Variants in LRP2 observed in about 807,000 individuals in gnomAD.
LRP2 encodes the protein low-density lipoprotein receptor-related protein 2.
Under a neutral mutation model 531.0 loss-of-function variants are expected in LRP2, and 172 were observed. The observed-to-expected ratio is 0.32, with a 90% CI of 0.29 to 0.37. The LOEUF is 0.37. Among genes scored for constraint, LRP2 ranks in the 10% least tolerant of loss-of-function variants. The probability of loss-of-function intolerance (pLI) is 1.00; values close to 1 mark genes in which losing one functional copy is unlikely to be tolerated. For synonymous variants in LRP2, 1,992 were observed against 2,027.6 expected (o/e 0.98, Z 0.47); for missense variants, 5,167 against 5,868.3 (o/e 0.88, Z 3.90).
intron 12 of LRP2, among the ~76,000 whole-genome samples, chr2:169,278,479 G>C (rs1683615815): frequency 2.6e-5 from 4 of 151,616 alleles, no homozygotes; most frequent in South Asian, 4.2e-4. Flanking sequence ...GCAAGAACCT[G>C]TCTCAAAAAA....
Position 169,256,119 on chromosome 2 carries a change from A to C in LRP2, c.2757T>G (p.Leu919=). The C allele has an allele frequency of 6.2e-7, 1 of 1,612,972 alleles. No individual in the cohort carries two copies. The highest frequency in any genetic ancestry group is 1.7e-5 in the Admixed American group (1 of 59,926). The change falls in exon 19 of 79, where the codon CTT becomes CTG. Residue 919 remains leucine, a synonymous_variant. Transcript: ENST00000649046. ...HIEQMTHPFG[L]AIFGEHLFFT... The stretch of plus-strand genomic sequence containing the variant: ...TTTAAAACATACCTCCAAAGATGGC[A>C]AGTCCAAACGGATGTGTCATCTGCT...
chr2:169,291,493 G>A (rs72878487), intron 7 of LRP2, among the ~76,000 whole-genome samples: 15,770 of 152,172 alleles, frequency 0.1, 953 homozygotes, highest in Middle Eastern at 0.14. Context: ...GTTTTAACAA[G>A]CATTTCCCTT....
At position 169,271,003 on chromosome 2, in the gene LRP2, A is replaced by G. The variant is rs773656621; in HGVS notation, c.2221T>C (p.Ser741Pro). The G allele has an allele frequency of 1.2e-6, 2 of 1,613,250 alleles. No individual in the cohort carries two copies. The highest frequency in any genetic ancestry group is 1.3e-5 in the African/African-American group (1 of 74,830). The change falls in exon 16 of 79, where the codon TCT (serine) becomes CCT (proline). Residue 741 changes from serine (S) to proline (P), a missense_variant. Ser to Pro is a moderately conservative substitution (Grantham distance 74). Around this residue, in one of 6 missense-constraint regions of LRP2, gnomAD observed 2,811 missense variants for 3,058.0 expected, o/e 0.92. Coordinates refer to ENST00000649046, the MANE Select transcript of LRP2 (RefSeq NM_004525.3). ...TCAAAATCAATCCCGACAAAGAAAGAAGGATTCCCCGAAACTGGAACCATG... is the reference window on the plus strand; with the variant it reads ...TCAAAATCAATCCCGACAAAGAAAGGAGGATTCCCCGAAACTGGAACCATG... ...DVMVPVSGNP[S>P]FFVGIDFDAQ... is the part of the protein sequence containing the mutation.
chr2:169,290,264 C>T (rs1007118978), intron 8 of LRP2, among the ~76,000 whole-genome samples: 34 of 56,940 alleles, frequency 6.0e-4, no homozygotes, highest in African/African-American at 1.2e-3. Context: ...GAACCAGAAG[C>T]TTTTTTTTTT....
chr2:169,154,378 C>T, intron 66 of LRP2, 82 bp downstream of exon 66: 1 of 1,315,988 alleles, frequency 7.6e-7, no homozygotes. Context: ...ACTCATTAAA[C>T]AATAAATTCC....
chr2:169,244,374 T>C (rs550468777), intron 22 of LRP2, among the ~76,000 whole-genome samples: 2 of 152,320 alleles, frequency 1.3e-5, no homozygotes, highest in South Asian at 4.1e-4. Flanking sequence ...ACTTTTAGTA[T>C]TGTTTTAAAT....
rs776766934 is a variant in LRP2, at chr2:169,318,723, T to C, written c.310+39A>G. The C allele has an allele frequency of 1.1e-5, 18 of 1,613,832 alleles. No homozygotes were observed. The South Asian group carries it at 2.0e-4, about 18-fold the overall frequency. ...TTTGCGACAGGTTGGGTTTTAGGTGTCCACAAAGCCAAAGCAAGATTCCTC... is the reference window on the plus strand; with the variant it reads ...TTTGCGACAGGTTGGGTTTTAGGTGCCCACAAAGCCAAAGCAAGATTCCTC... On this transcript the variant is annotated intron_variant, in intron 3 of 78. Transcript: ENST00000649046.
chr2:169,233,259 G>T (rs1689477482), intron 30 of LRP2, 152 bp downstream of exon 30: 3 of 798,934 alleles, frequency 3.8e-6, no homozygotes, highest in Middle Eastern at 2.3e-4. Flanking sequence ...GCAATGTCAG[G>T]ACTAGGGAAA....
chr2:169,156,280 C>T lies in LRP2; in HGVS notation c.12145G>A (p.Ala4049Thr), dbSNP rs1686328297. 6.2e-7 allele frequency: 1 copy of T among 1,613,578 alleles called. No individual in the cohort carries two copies. Among genetic ancestry groups the T allele is most frequent in the African/African-American group, 1.3e-5 (1 of 74,898 alleles). The change falls in exon 65 of 79, where the codon GCT (alanine) becomes ACT (threonine). Residue 4049 changes from alanine to threonine, a missense_variant. Physicochemically the swap from Ala to Thr is moderately conservative, Grantham distance 58 (BLOSUM62 0). Coordinates refer to ENST00000649046, the MANE Select transcript of LRP2 (RefSeq NM_004525.3). ...MSDRPGKRCA[A>T]EGSSPLLLLP... Reference sequence around the variant, plus strand: ...CAACATGAACCCATCATACCCTCAGCTGCACATCGTTTTCCAGGGCGGTCA... The same window carrying T: ...CAACATGAACCCATCATACCCTCAGTTGCACATCGTTTTCCAGGGCGGTCA...
chr2:169,293,746 A>T (rs1307624985), intron 6 of LRP2, among the ~76,000 whole-genome samples: 2 of 152,226 alleles, frequency 1.3e-5, no homozygotes, highest in African/African-American at 4.8e-5. Context: ...TTTCAAAGTA[A>T]AGAGGAGAGT....
chr2:169,238,057 T>C (rs766907663), intron 27 of LRP2, 34 bp downstream of exon 27: 1 of 1,583,562 alleles, frequency 6.3e-7, no homozygotes, highest in African/African-American at 1.3e-5. Context: ...ACAGAGGAAC[T>C]AGCCAGGCCA....
chr2:169,199,281 A>T (rs1688107328), intron 44 of LRP2, among the ~76,000 whole-genome samples: 1 of 152,258 alleles, frequency 6.6e-6, no homozygotes, highest in Admixed American at 6.5e-5. Context: ...ACTGATAAGT[A>T]ATGACAGTAT....
chr2:169,246,859 T>C lies in LRP2; in HGVS notation c.3036A>G (p.Thr1012=), dbSNP rs1690026700. The part of the protein sequence containing the change: ...YGMRLASNHL[T]CEGDPTNEPP... ...GTTCATTGGTTGGGTCCCCCTCGCA[T>C]GTCAAGTGATTGGAAGCCAGCCTCA... Residue 1012 remains threonine (T), a synonymous_variant, in exon 21 of 79, where the codon ACA becomes ACG. Transcript: ENST00000649046. 1 of 1,614,190 alleles carries C rather than the reference T, an allele frequency of 6.2e-7. No homozygotes were observed. The highest frequency in any genetic ancestry group is 1.7e-5 in the Admixed American group (1 of 60,018).
intron 34 of LRP2, 136 bp downstream of exon 34, chr2:169,220,318 T>G: frequency 2.8e-6 from 2 of 716,284 alleles, no homozygotes; most frequent in Non-Finnish European, 5.1e-6. Flanking sequence ...TCTTTCTCAC[T>G]GAGATCTATT....
At chr2:169,167,975 T>C (rs1686843499) in intron 61 of LRP2, among the ~76,000 whole-genome samples, 1 of 130,366 alleles carries the variant, frequency 7.7e-6, no homozygotes, top group Admixed American at 9.2e-5. Context: ...CCTCTGCTAC[T>C]GACATGTACC....
intron 26 of LRP2, among the ~76,000 whole-genome samples, chr2:169,239,136 C>T (rs1166012270): frequency 6.6e-6 from 1 of 152,102 alleles, no homozygotes; most frequent in Non-Finnish European, 1.5e-5. Flanking sequence ...GTGGTCAAAT[C>T]AATATCCTAA....
chr2:169,292,468 A>G, intron 6 of LRP2, 99 bp from the exon 7 acceptor site: 3 of 817,862 alleles, frequency 3.7e-6, no homozygotes, highest in Non-Finnish European at 6.5e-6. Flanking sequence ...TAGAAATTGA[A>G]ATTTCTATAT....
chr2:169,139,507 A>G lies in LRP2; in HGVS notation c.13267+36T>C, dbSNP rs546246267. 9 of 1,612,450 alleles carry G rather than the reference A, an allele frequency of 5.6e-6. No individual in the cohort carries two copies. In the African/African-American group the frequency reaches 9.3e-5, roughly 17 times the overall value. On this transcript the variant is annotated intron_variant, in intron 73 of 78. Transcript: ENST00000649046. ...GACAGCATTCAATGTAGGGGCCATG[A>G]GTAATTTCCAAGTTGCTCACATTCT...
In LRP2 at chr2:169,140,519, G is replaced by C. The variant is rs755923476; in HGVS notation, c.13135C>G (p.Pro4379Ala). 2.5e-6 allele frequency: 4 copies of C among 1,613,994 alleles called. No individual in the cohort carries two copies. Among genetic ancestry groups the C allele is most frequent in the Admixed American group, 3.3e-5 (2 of 60,020 alleles). The change falls in exon 72 of 79, where the codon CCC becomes GCC. Residue 4379 changes from proline (P) to alanine (A), a missense_variant. Pro to Ala is a conservative substitution (Grantham distance 27). Around this residue, in one of 6 missense-constraint regions of LRP2, gnomAD observed 348 missense variants for 369.3 expected, o/e 0.94. Coordinates refer to ENST00000649046, the MANE Select transcript of LRP2 (RefSeq NM_004525.3). ...CCTCCGTGCATGCACCTGCATGGGG[G>C]GGGCAGGTTGATAGGCAGTTCGATG... ...AAIELPINLP[P>A]PCRCMHGGNC...
Sources: gnomAD v4.1 joint callset for allele counts (sites outside exome capture counted in the v4.1 genomes callset) on GRCh38, gnomAD v4.1.1 for gene constraint, gnomAD v4.1.1 regional missense constraint, MANE v1.5 for transcripts, NCBI Gene and HGNC (gene_info 2026-07-23, HGNC 2026-07-21) for gene names.